Variants in NUDT17 observed in about 807,000 individuals in gnomAD.
The protein encoded by NUDT17 is nudix hydrolase 17, also known as m7GpppN-mRNA hydrolase NUDT17.
Under a neutral mutation model 38.6 loss-of-function variants are expected in NUDT17, and 38 were observed. The observed-to-expected ratio is 0.98, with a 90% confidence interval of 0.76 to 1.29. The LOEUF (loss-of-function observed/expected upper bound fraction) is 1.29. NUDT17 is among the 50% of genes most tolerant of loss of function. NUDT17 has a pLI of 0.00. For synonymous variants in NUDT17, 192 were observed against 167.8 expected (o/e 1.14, Z -1.11); for missense variants, 462 against 415.2 (o/e 1.11, Z -0.98).
chr1:145,847,659 C>T lies in NUDT17; in HGVS notation c.671C>T (p.Ala224Val), dbSNP rs781784766. 1.2e-6 allele frequency: 2 copies of T among 1,614,054 alleles called. No individual in the cohort carries two copies. The highest frequency in any genetic ancestry group is 2.2e-5 in the South Asian group (2 of 91,072). Residue 224 changes from alanine (A) to valine (V), a missense_variant, in exon 6 of 8, where the codon GCC becomes GTC. By Grantham distance (64) the Ala-to-Val change is moderately conservative. Coordinates refer to ENST00000334513, the MANE Select transcript of NUDT17 (RefSeq NM_001012758.3). Reference sequence around the variant, plus strand: ...CCAGATGTAGCTGCTGCAGTGGCTGCCGCAGAGGATGGGACAGAGACACCC... The same window carrying T: ...CCAGATGTAGCTGCTGCAGTGGCTGTCGCAGAGGATGGGACAGAGACACCC... Reference protein sequence around the residue: ...LTPDVAAAVAAAEDGTETPGL... With the variant: ...LTPDVAAAVAVAEDGTETPGL...
chr1:145,848,295 C>T (rs1373860221), intron 7 of NUDT17, 31 bp downstream of exon 7: 47 of 1,613,536 alleles, frequency 2.9e-5, no homozygotes, highest in Non-Finnish European at 3.6e-5. Flanking sequence ...GAGAGCTCCA[C>T]AGTACTGGGC....
Position 145,847,685 on chromosome 1 carries a change from G to A in NUDT17, c.697G>A (p.Gly233Arg), listed in dbSNP as rs139528449. 212 of 1,614,040 alleles carry A rather than the reference G, an allele frequency of 1.3e-4. 1 individual carries two copies. In the African/African-American group the frequency reaches 2.1e-3, roughly 16 times the overall value. Residue 233 changes from glycine to arginine, a missense_variant, in exon 6 of 8, where the codon GGA becomes AGA. Physicochemically the swap from Gly to Arg is moderately radical, Grantham distance 125 (BLOSUM62 -2). Coordinates refer to ENST00000334513, the MANE Select transcript of NUDT17 (RefSeq NM_001012758.3). ...CGCAGAGGATGGGACAGAGACACCCGGACTTCTCCCCCAGGACCTACCACC... is the reference window on the plus strand; with the variant it reads ...CGCAGAGGATGGGACAGAGACACCCAGACTTCTCCCCCAGGACCTACCACC... ...AAAEDGTETPGLLPQDLPPSV... is the reference protein window; with the variant it reads ...AAAEDGTETPRLLPQDLPPSV...
Position 145,848,720 on chromosome 1 carries a change from G to C in NUDT17, c.*241G>C, listed in dbSNP as rs921462447. ...AGGGCCATGAGCCTCTAGAAGCTTA[G>C]GGGGGAATAAGAAACACTGTGAACT... On this transcript the variant is annotated 3_prime_UTR_variant, in exon 8 of 8. Transcript: ENST00000334513. The C allele has an allele frequency of 1.6e-5, 6 of 364,228 alleles. No homozygotes were observed. Among genetic ancestry groups the C allele is most frequent in the Non-Finnish European group, 2.6e-5 (6 of 234,902 alleles). 22.6% of individuals were successfully genotyped at this position (364,228 alleles called of 1,614,324 possible). A position where few individuals can be genotyped will look rare whatever the true frequency, so the allele number is the denominator to read the frequency against.
chr1:145,847,782 G>T (rs1235338528), intron 6 of NUDT17, 63 bp downstream of exon 6: 1 of 1,543,822 alleles, frequency 6.5e-7, no homozygotes, highest in African/African-American at 1.4e-5. Flanking sequence ...GAAGTTCAGC[G>T]TCTATCCTGT....
chr1:145,848,417 G>GGTGGCCCTGGT lies in NUDT17; in HGVS notation c.926_927insTGGCCCTGGTG (p.Pro310GlyfsTer26), dbSNP rs1652818759. 1 of 1,614,028 alleles carries GGTGGCCCTGGT rather than the reference G, an allele frequency of 6.2e-7. No individual in the cohort carries two copies. Among genetic ancestry groups the GGTGGCCCTGGT allele is most frequent in the Admixed American group, 1.7e-5 (1 of 59,996 alleles). On this transcript the variant is annotated frameshift_variant, in exon 8 of 8. Transcript: ENST00000334513. LOFTEE classifies it low-confidence loss of function (END_TRUNC). ...TAAAAGTGCAGCTTACCTGGACCCA[G>GGTGGCCCTGGT]GGCCAGCAAAGGAAGAATGGAACAT...
In NUDT17 at chr1:145,848,208, G is replaced by C. The variant is rs782734090; in HGVS notation, c.828G>C (p.Glu276Asp). 6.2e-7 allele frequency: 1 copy of C among 1,614,214 alleles called. No individual in the cohort carries two copies. Among genetic ancestry groups the C allele is most frequent in the South Asian group, 1.1e-5 (1 of 91,088 alleles). ...RMIPTMAEDKERVSTGTKFAL... is the reference protein window; with the variant it reads ...RMIPTMAEDKDRVSTGTKFAL... ...TCCCAACCATGGCAGAGGACAAAGAGAGAGTCAGCACTGGAACCAAGTTTG... is the reference window on the plus strand; with the variant it reads ...TCCCAACCATGGCAGAGGACAAAGACAGAGTCAGCACTGGAACCAAGTTTG... The change falls in exon 7 of 8, where the codon GAG becomes GAC. Residue 276 changes from glutamate (E) to aspartate (D), a missense_variant. Glu to Asp is a conservative substitution (Grantham distance 45). Coordinates refer to ENST00000334513, the MANE Select transcript of NUDT17 (RefSeq NM_001012758.3).
Position 145,848,176 on chromosome 1 carries a change from C to T in NUDT17, c.796C>T (p.Arg266Trp), listed in dbSNP as rs587611781. The change falls in exon 7 of 8, where the codon CGG becomes TGG. Residue 266 changes from arginine (R) to tryptophan (W), a missense_variant. Arg to Trp is a moderately radical substitution (Grantham distance 101). Transcript: ENST00000334513. ...GGTCCTGCACATGTCCACCCTCCTG[C>T]GGATGATCCCAACCATGGCAGAGGA... is the stretch of plus-strand genomic sequence containing the variant. ...PLVLHMSTLL[R>W]MIPTMAEDKE... is the part of the protein sequence containing the mutation. 38 of 1,614,046 alleles carry T rather than the reference C, an allele frequency of 2.4e-5. No homozygotes were observed. The South Asian group carries it at 2.4e-4, about 10-fold the overall frequency.
intron 6 of NUDT17, 73 bp downstream of exon 6, chr1:145,847,792 T>C: frequency 6.7e-7 from 1 of 1,482,222 alleles, no homozygotes. Context: ...GTCTATCCTG[T>C]CCTCAGGATG....
rs1559160038 is a variant in NUDT17 at position 145,847,696 on chromosome 1, C to T, written c.708C>T (p.Pro236=). ...GGACAGAGACACCCGGACTTCTCCCCCAGGACCTACCACCCTCTGTCCTGT... is the reference window on the plus strand; with the variant it reads ...GGACAGAGACACCCGGACTTCTCCCTCAGGACCTACCACCCTCTGTCCTGT... The part of the protein sequence containing the change: ...EDGTETPGLL[P]QDLPPSVLAV... Residue 236 remains proline, a synonymous_variant, in exon 6 of 8, where the codon CCC becomes CCT. Transcript: ENST00000334513. 21 of 1,614,156 alleles carry T rather than the reference C, an allele frequency of 1.3e-5. No homozygotes were observed. Among genetic ancestry groups the T allele is most frequent in the Non-Finnish European group, 1.4e-5 (17 of 1,180,024 alleles).
rs1652831575 is a variant in NUDT17, at chr1:145,848,691, C to G, written c.*212C>G. On this transcript the variant is annotated 3_prime_UTR_variant, in exon 8 of 8. Transcript: ENST00000334513. ...AAGGTGCAGAATGAGCCAGGCCTAA[C>G]TACAGGGCCATGAGCCTCTAGAAGC... 3.7e-6 allele frequency: 2 copies of G among 540,676 alleles called. No individual in the cohort carries two copies. Among genetic ancestry groups the G allele is most frequent in the East Asian group, 6.2e-5 (2 of 32,112 alleles). 33.5% of individuals were successfully genotyped at this position (540,676 alleles called of 1,614,324 possible). A position where few individuals can be genotyped will look rare whatever the true frequency, so the allele number is the denominator to read the frequency against.
Position 145,848,453 on chromosome 1 carries a change from C to A in NUDT17, c.961C>A (p.Pro321Thr), listed in dbSNP as rs150242444. The A allele has an allele frequency of 3.7e-6, 6 of 1,613,790 alleles. No homozygotes were observed. In the Admixed American group the frequency reaches 1.0e-4, roughly 27 times the overall value. Residue 321 changes from proline to threonine, a missense_variant, in exon 8 of 8, where the codon CCC (proline) becomes ACC (threonine). Physicochemically the swap from Pro to Thr is conservative, Grantham distance 38. Coordinates refer to ENST00000334513, the MANE Select transcript of NUDT17 (RefSeq NM_001012758.3). Reference sequence around the variant, plus strand: ...GGAAGAATGGAACATGGACCCTCTTCCCCCAAACCAGGGGTCTGGAAAGTG... The same window carrying A: ...GGAAGAATGGAACATGGACCCTCTTACCCCAAACCAGGGGTCTGGAAAGTG... ...AKEEWNMDPLPPNQGSGK is the reference protein window; with the variant it reads ...AKEEWNMDPLTPNQGSGK
chr1:145,846,837 G>T, intron 4 of NUDT17, 147 bp downstream of exon 4: 3 of 678,260 alleles, frequency 4.4e-6, no homozygotes, highest in Non-Finnish European at 8.0e-6. Context: ...TACCATCCAC[G>T]CCCTCAGCTT....
At chr1:145,847,523 A>G in intron 5 of NUDT17, 60 bp from the exon 6 acceptor site, 1 of 1,600,546 alleles carries the variant, frequency 6.2e-7, no homozygotes. Context: ...GTAGGTTTTG[A>G]TCACGAACAG....
chr1:145,846,840 C>T lies in NUDT17; in HGVS notation c.495+150C>T. On this transcript the variant is annotated intron_variant, in intron 4 of 7. Transcript: ENST00000334513. ...CTGTGTCATCTGTACCATCCACGCCCTCAGCTTTTGGCCACCATTTTGTTT... is the reference window on the plus strand; with the variant it reads ...CTGTGTCATCTGTACCATCCACGCCTTCAGCTTTTGGCCACCATTTTGTTT... 5 of 673,716 alleles carry T rather than the reference C, an allele frequency of 7.4e-6. No individual in the cohort carries two copies. The South Asian group carries it at 8.8e-5, about 12-fold the overall frequency. The allele number at this position is 673,716 out of a possible 1,614,324, so 41.7% of individuals were successfully genotyped here.
chr1:145,846,069 T>C lies in NUDT17; in HGVS notation c.249T>C (p.Ala83=). 5 of 1,605,606 alleles carry C rather than the reference T, an allele frequency of 3.1e-6. No homozygotes were observed. The highest frequency in any genetic ancestry group is 3.4e-6 in the Non-Finnish European group (4 of 1,176,794). The change falls in exon 2 of 8, where the codon GCT becomes GCC. Residue 83 remains alanine, a synonymous_variant. Coordinates refer to ENST00000334513, the MANE Select transcript of NUDT17 (RefSeq NM_001012758.3). ...AGGAGCGGCCCAGGGTCCCTGGGGC[T>C]GAGCTGCCCACAGATCGAGGTGTGG... ...ALEERPRVPG[A]ELPTDRGVDL...
chr1:145,848,169 C>T lies in NUDT17; in HGVS notation c.789C>T (p.Thr263=). The T allele has an allele frequency of 6.2e-7, 1 of 1,614,170 alleles. No homozygotes were observed. The highest frequency in any genetic ancestry group is 8.5e-7 in the Non-Finnish European group (1 of 1,180,024). ...RARPLVLHMS[T]LLRMIPTMAE... ...GACCTCTGGTCCTGCACATGTCCAC[C>T]CTCCTGCGGATGATCCCAACCATGG... Residue 263 remains threonine, a synonymous_variant, in exon 7 of 8, where the codon ACC becomes ACT. Transcript: ENST00000334513.
At position 145,845,839 on chromosome 1, in the gene NUDT17, A is replaced by G. The variant is rs1553732186; in HGVS notation, c.192+7A>G. 1 of 1,585,772 alleles carries G rather than the reference A, an allele frequency of 6.3e-7. No homozygotes were observed. ...CGCTAGGCTTCCGCTCCAGGTCGGCAGAAGGGGGCCCCAGAGCGGGGGCAG... is the reference window on the plus strand; with the variant it reads ...CGCTAGGCTTCCGCTCCAGGTCGGCGGAAGGGGGCCCCAGAGCGGGGGCAG... On this transcript the variant is annotated splice_region_variant and intron_variant, in intron 1 of 7. Coordinates refer to ENST00000334513, the MANE Select transcript of NUDT17 (RefSeq NM_001012758.3).
chr1:145,846,749 C>T, intron 4 of NUDT17, 59 bp downstream of exon 4: 13 of 1,157,348 alleles, frequency 1.1e-5, no homozygotes, highest in Non-Finnish European at 1.7e-5. Context: ...GCCTTGGCTA[C>T]AAGGGAAACA....
rs1553732119 is a variant in NUDT17 at position 145,845,773 on chromosome 1, G to A, written c.133G>A (p.Gly45Arg). ...GCCCATTCACTGCAGCTTGAAGCGAGGACGGCTTGTCCTCTCGAGCAGGCC... is the reference window on the plus strand; with the variant it reads ...GCCCATTCACTGCAGCTTGAAGCGAAGACGGCTTGTCCTCTCGAGCAGGCC... ...TWPIHCSLKRGRLVLSSRPFP... is the reference protein window; with the variant it reads ...TWPIHCSLKRRRLVLSSRPFP... Residue 45 changes from glycine to arginine, a missense_variant, in exon 1 of 8, where the codon GGA (glycine) becomes AGA (arginine). Gly to Arg is a moderately radical substitution (Grantham distance 125). Transcript: ENST00000334513. 6 of 1,589,118 alleles carry A rather than the reference G, an allele frequency of 3.8e-6. No individual in the cohort carries two copies. Among genetic ancestry groups the A allele is most frequent in the Middle Eastern group, 3.3e-4 (2 of 6,036 alleles).
Sources: gnomAD v4.1 joint callset for allele counts on GRCh38, gnomAD v4.1.1 for gene constraint, MANE v1.5 for transcripts, NCBI Gene and HGNC (gene_info 2026-07-23, HGNC 2026-07-21) for gene names.